ACSM4: variants seen among roughly 807,000 people sequenced by gnomAD.
ACSM4 encodes acyl-CoA synthetase medium chain family member 4, also known as acyl-coenzyme A synthetase ACSM4, mitochondrial.
In ACSM4, 66 loss-of-function variants were observed where a neutral mutation model predicts 73.0. The observed-to-expected ratio is 0.90, with a 90% CI of 0.74 to 1.11. The LOEUF (loss-of-function observed/expected upper bound fraction) is 1.11, where lower values mean the gene tolerates loss of function less well. Among genes scored for constraint, ACSM4 ranks in the 50% least tolerant of loss-of-function variants. The pLI is 0.00. For missense variants in ACSM4, 645 were observed against 714.4 expected (o/e 0.90, Z 1.11); for synonymous variants, 222 against 254.0 (o/e 0.87, Z 1.20).
At position 7,328,577 on chromosome 12, in the gene ACSM4, T is replaced by A; in HGVS notation, c.*204T>A. ...AACGTATGGATGAAAATTGTTATAA[T>A]GACCAAACTGACAAAGGTAATGATG... is the stretch of plus-strand genomic sequence containing the variant. On this transcript the variant is annotated 3_prime_UTR_variant, in exon 13 of 13. Transcript: ENST00000399422. 2.9e-6 allele frequency: 1 copy of A among 339,546 alleles called. No homozygotes were observed. Among genetic ancestry groups the A allele is most frequent in the South Asian group, 3.3e-5 (1 of 30,386 alleles). 21.0% of individuals were successfully genotyped at this position (339,546 alleles called of 1,614,324 possible). A position where few individuals can be genotyped will look rare whatever the true frequency, so the allele number is the denominator to read the frequency against.
Position 7,304,234 on chromosome 12 carries a change from A to G in ACSM4, c.-98A>G, listed in dbSNP as rs1946348312. On this transcript the variant is annotated 5_prime_UTR_variant, in exon 1 of 13. Coordinates refer to ENST00000399422, the MANE Select transcript of ACSM4 (RefSeq NM_001080454.2). ...AGCCACAAATCCACCTCCCAGTCTC[A>G]CCACAGAGCATCAAGAAACTGATAC... is the stretch of plus-strand genomic sequence containing the variant. 7.7e-7 allele frequency: 1 copy of G among 1,293,532 alleles called. No individual in the cohort carries two copies. The allele number at this position is 1,293,532 out of a possible 1,614,324, so 80.1% of individuals were successfully genotyped here.
At chr12:7,326,589 C>A (rs1159082651) in intron 11 of ACSM4, among the ~76,000 whole-genome samples, 1 of 152,194 alleles carries the variant, frequency 6.6e-6, no homozygotes, top group East Asian at 1.9e-4. Flanking sequence ...ACCACATATT[C>A]TCTAGGAACT....
intron 2 of ACSM4, 53 bp from the exon 3 acceptor site, chr12:7,310,486 C>A: frequency 6.6e-7 from 1 of 1,526,214 alleles, no homozygotes. Context: ...AAGCCCAAGT[C>A]TTCCACAATG....
chr12:7,322,848 A>G (rs910388312), intron 7 of ACSM4, among the ~76,000 whole-genome samples: 6 of 152,160 alleles, frequency 3.9e-5, no homozygotes, highest in Non-Finnish European at 7.3e-5. Context: ...ATCCTCTGAG[A>G]GCGTCCATGG....
chr12:7,314,322 G>A (rs1050141688), intron 3 of ACSM4, among the ~76,000 whole-genome samples: 1 of 152,178 alleles, frequency 6.6e-6, no homozygotes, highest in East Asian at 1.9e-4. Context: ...GTAGGTACAT[G>A]AGTCTCAGGG....
At chr12:7,323,801 G>C (rs753087681) in intron 9 of ACSM4, among the ~76,000 whole-genome samples, 1 of 152,126 alleles carries the variant, frequency 6.6e-6, no homozygotes, top group African/African-American at 2.4e-5. Flanking sequence ...TGCAGTTGGG[G>C]GGTGCTAGAG....
At position 7,328,371 on chromosome 12, in the gene ACSM4, T is replaced by C. The variant is rs1030511087; in HGVS notation, c.1741T>C (p.Ter581GlnextTer17). Residue 581 changes from the stop codon to glutamine (Q), a stop_lost, in exon 13 of 13, where the codon TAG (stop) becomes CAG (glutamine). Transcript: ENST00000399422. Reference sequence around the variant, plus strand: ...AAGAGACCAAGAATGGAGAGGAAGATAGTTTGATAACAAAGCTGAAGGGTT... The same window carrying C: ...AAGAGACCAAGAATGGAGAGGAAGACAGTTTGATAACAAAGCTGAAGGGTT... ...VLRDQEWRGR[*>Q] is the part of the protein sequence containing the mutation. 13 of 1,583,498 alleles carry C rather than the reference T, an allele frequency of 8.2e-6. No individual in the cohort carries two copies. The highest frequency in any genetic ancestry group is 1.3e-5 in the African/African-American group (1 of 74,352).
intron 3 of ACSM4, among the ~76,000 whole-genome samples, chr12:7,315,575 G>T (rs1946415856): frequency 6.6e-6 from 1 of 152,004 alleles, no homozygotes; most frequent in Non-Finnish European, 1.5e-5. Flanking sequence ...TCATGACACT[G>T]CACTCCAGCC....
rs758114444 is a variant in ACSM4 at position 7,304,541 on chromosome 12, C to T, written c.201+9C>T. On this transcript the variant is annotated intron_variant, in intron 1 of 12. Coordinates refer to ENST00000399422, the MANE Select transcript of ACSM4 (RefSeq NM_001080454.2). ...GGTCCCAAAAGGAGAAGGTATATGA[C>T]GATGGGCTTCCAGTAGATGCTTGGT... The T allele has an allele frequency of 3.0e-5, 49 of 1,611,412 alleles. No homozygotes were observed. The highest frequency in any genetic ancestry group is 8.3e-5 in the Admixed American group (5 of 60,014).
chr12:7,328,425 T>C lies in ACSM4; in HGVS notation c.*52T>C, dbSNP rs1946527407. 3 of 1,344,118 alleles carry C rather than the reference T, an allele frequency of 2.2e-6. No homozygotes were observed. Among genetic ancestry groups the C allele is most frequent in the Non-Finnish European group, 1.0e-6 (1 of 988,250 alleles). 83.3% of individuals were successfully genotyped at this position (1,344,118 alleles called of 1,614,324 possible). A position where few individuals can be genotyped will look rare whatever the true frequency, so the allele number is the denominator to read the frequency against. ...CAGTAATATGGTTGCTTTCTTTTAG[T>C]ATTTGTTCCGATAATTCAGCGACTA... On this transcript the variant is annotated 3_prime_UTR_variant, in exon 13 of 13. Coordinates refer to ENST00000399422, the MANE Select transcript of ACSM4 (RefSeq NM_001080454.2).
chr12:7,311,817 G>A (rs748735751), intron 3 of ACSM4, among the ~76,000 whole-genome samples: 1 of 152,100 alleles, frequency 6.6e-6, no homozygotes, highest in Non-Finnish European at 1.5e-5. Context: ...AGCCTCCTGA[G>A]TAGCTGGGAT....
chr12:7,317,121 G>A lies in ACSM4; in HGVS notation c.621-16G>A, dbSNP rs1946425970. 1 of 1,604,632 alleles carries A rather than the reference G, an allele frequency of 6.2e-7. No individual in the cohort carries two copies. ...CTGCCATCTTCCACCGCCATCTTGG[G>A]GTCCATATTTTGCAGATTCGCCTCT... On this transcript the variant is annotated splice_polypyrimidine_tract_variant and intron_variant, in intron 3 of 12. Coordinates refer to ENST00000399422, the MANE Select transcript of ACSM4 (RefSeq NM_001080454.2).
intron 3 of ACSM4, among the ~76,000 whole-genome samples, chr12:7,316,105 G>A (rs1946419043): frequency 6.6e-6 from 1 of 152,156 alleles, no homozygotes; most frequent in South Asian, 2.1e-4. Flanking sequence ...TGAGGGAATG[G>A]CATACAAGGA....
intron 1 of ACSM4, among the ~76,000 whole-genome samples, chr12:7,306,133 G>T (rs1306161333): frequency 1.3e-5 from 2 of 152,188 alleles, no homozygotes; most frequent in African/African-American, 4.8e-5. Context: ...TCACAAAATT[G>T]GGCTGGAAGC....
At chr12:7,322,774 G>C (rs1301476391) in intron 7 of ACSM4, among the ~76,000 whole-genome samples, 1 of 152,152 alleles carries the variant, frequency 6.6e-6, no homozygotes, top group Admixed American at 6.5e-5. Context: ...ATAAATCTCA[G>C]AGGCGTTAGC....
At chr12:7,318,236 T>C (rs1025445002) in intron 5 of ACSM4, 54 bp downstream of exon 5, 1 of 1,580,844 alleles carries the variant, frequency 6.3e-7, no homozygotes, top group Non-Finnish European at 8.6e-7. Flanking sequence ...TTGTTTCCCA[T>C]AAAATCACAA....
rs140911948 is a variant in ACSM4, at chr12:7,309,980, C to T, written c.413-559C>T. Among the ~76,000 whole-genome samples the T allele has an allele frequency of 1.0e-3, 159 of 152,258 alleles. 1 individual carries two copies. The highest frequency in any genetic ancestry group is 3.4e-3 in the African/African-American group (142 of 41,548). On this transcript the variant is annotated intron_variant, in intron 2 of 12. Coordinates refer to ENST00000399422, the MANE Select transcript of ACSM4 (RefSeq NM_001080454.2). ...TGTATTTTTAGTACAGACAGGGTTT[C>T]GCCATGTTGCTCGGGGTGGTCTCGA...
intron 3 of ACSM4, among the ~76,000 whole-genome samples, chr12:7,311,073 G>A (rs1470360755): frequency 6.6e-6 from 1 of 151,986 alleles, no homozygotes; most frequent in African/African-American, 2.4e-5. Flanking sequence ...GGCTGAGGCA[G>A]GAGAATTGCT....
Position 7,328,323 on chromosome 12 carries a change from G to A in ACSM4, c.1693G>A (p.Gly565Arg). The change falls in exon 13 of 13, where the codon GGG (glycine) becomes AGG (arginine). Residue 565 changes from glycine to arginine, a missense_variant. Gly to Arg is a moderately radical substitution (Grantham distance 125). Transcript: ENST00000399422. ...TCAAGAACTCCCAAAGACAATCACT[G>A]GGAAAATCAAACGCAACGTTTTAAG... is the stretch of plus-strand genomic sequence containing the variant. ...FVQELPKTIT[G>R]KIKRNVLRDQ... The A allele has an allele frequency of 6.3e-7, 1 of 1,594,576 alleles. No individual in the cohort carries two copies. The highest frequency in any genetic ancestry group is 8.5e-7 in the Non-Finnish European group (1 of 1,169,962).
Sources: gnomAD v4.1 joint callset for allele counts (sites outside exome capture counted in the v4.1 genomes callset) on GRCh38, gnomAD v4.1.1 for gene constraint, MANE v1.5 for transcripts, NCBI Gene and HGNC (gene_info 2026-07-23, HGNC 2026-07-21) for gene names.